SUPT3H: variants seen among roughly 807,000 people sequenced by gnomAD.
SUPT3H encodes the protein SPT3 homolog, SAGA and STAGA complex component, also known as transcription initiation protein SPT3 homolog.
SUPT3H carries 44 observed loss-of-function variants against 44.3 expected under a neutral mutation model. The ratio of observed to expected loss-of-function variants is 0.99; its 90% CI spans 0.78 to 1.28. SUPT3H has a LOEUF of 1.28. Among genes scored for constraint, SUPT3H ranks in the 50% most tolerant of loss-of-function variants. The pLI is 0.00. For missense variants in SUPT3H, 380 were observed against 387.1 expected, an observed-to-expected ratio of 0.98 and a Z score of 0.15; for synonymous variants, 124 against 125.6, an observed-to-expected ratio of 0.99 and a Z score of 0.09.
At chr6:45,042,634 T>C (rs1206786993) in intron 3 of SUPT3H, among the ~76,000 whole-genome samples, 1 of 152,192 alleles carries the variant, frequency 6.6e-6, no homozygotes, top group Admixed American at 6.5e-5. Context: ...ATAGGAACAC[T>C]TTTACACTGT....
intron 2 of SUPT3H, among the ~76,000 whole-genome samples, chr6:45,214,183 T>C (rs541599625): frequency 1.3e-5 from 2 of 151,868 alleles, no homozygotes; most frequent in South Asian, 4.2e-4. Flanking sequence ...AAAAAATCAG[T>C]TTTCTACAAC....
chr6:45,289,505 A>G (rs550140055), intron 2 of SUPT3H, among the ~76,000 whole-genome samples: 2 of 152,298 alleles, frequency 1.3e-5, no homozygotes, highest in African/African-American at 4.8e-5. Context: ...GTAATTCATA[A>G]TTTAAAAAAT....
chr6:44,838,620 G>A (rs745631351), intron 10 of SUPT3H, among the ~76,000 whole-genome samples: 1 of 152,168 alleles, frequency 6.6e-6, no homozygotes, highest in Non-Finnish European at 1.5e-5. Context: ...TGCTAAGTCT[G>A]AGACACCAAC....
At chr6:45,234,737 A>G (rs1352793144) in intron 2 of SUPT3H, among the ~76,000 whole-genome samples, 8 of 152,118 alleles carry the variant, frequency 5.3e-5, no homozygotes, top group Non-Finnish European at 1.2e-4. Flanking sequence ...TTGAAAATGT[A>G]AACAAACTAT....
chr6:45,202,299 A>T (rs1470235987), intron 2 of SUPT3H, among the ~76,000 whole-genome samples: 1 of 151,988 alleles, frequency 6.6e-6, no homozygotes, highest in Admixed American at 6.6e-5. Context: ...TTACAAAATT[A>T]TAAAATTGCA....
chr6:45,203,583 T>C (rs967294097), intron 2 of SUPT3H, among the ~76,000 whole-genome samples: 1 of 152,224 alleles, frequency 6.6e-6, no homozygotes, highest in Non-Finnish European at 1.5e-5. Context: ...CAGGTCACTT[T>C]ATGCCCTCAC....
chr6:45,354,948 A>C (rs910006106), intron 2 of SUPT3H, among the ~76,000 whole-genome samples: 2 of 152,092 alleles, frequency 1.3e-5, no homozygotes, highest in Admixed American at 6.6e-5. Context: ...AAGAAACTGG[A>C]AAGATAAATA....
chr6:45,059,557 A>G (rs1002697453), intron 3 of SUPT3H, among the ~76,000 whole-genome samples: 3 of 152,174 alleles, frequency 2.0e-5, no homozygotes, highest in Non-Finnish European at 2.9e-5. Flanking sequence ...AATCACTCCT[A>G]TTCAACATTG....
intron 2 of SUPT3H, among the ~76,000 whole-genome samples, chr6:45,126,873 G>A (rs138928059): frequency 0.017 from 2,661 of 152,172 alleles, 50 homozygotes; most frequent in South Asian, 0.085. Context: ...AGGGGGAAGA[G>A]ACGATGCGAG....
At chr6:44,997,323 C>G (rs976151271) in intron 6 of SUPT3H, among the ~76,000 whole-genome samples, 2 of 151,742 alleles carry the variant, frequency 1.3e-5, no homozygotes, top group African/African-American at 4.8e-5. Flanking sequence ...CATTTATACA[C>G]TCATGTCTCA....
chr6:45,012,609 T>G (rs971062728), intron 5 of SUPT3H, among the ~76,000 whole-genome samples: 9 of 152,158 alleles, frequency 5.9e-5, no homozygotes, highest in African/African-American at 2.2e-4. Flanking sequence ...ACATACATAA[T>G]AGCCCCTTTG....
intron 2 of SUPT3H, among the ~76,000 whole-genome samples, chr6:45,281,379 G>C (rs1044650059): frequency 1.3e-5 from 2 of 152,198 alleles, no homozygotes; most frequent in Non-Finnish European, 2.9e-5. Flanking sequence ...TGGAAAATCG[G>C]GTCATTCCCA....
chr6:45,282,375 G>A (rs990820667), intron 2 of SUPT3H, among the ~76,000 whole-genome samples: 2 of 152,222 alleles, frequency 1.3e-5, no homozygotes, highest in Admixed American at 6.5e-5. Flanking sequence ...AATAACCAAT[G>A]CAGAGAAGTC....
intron 2 of SUPT3H, among the ~76,000 whole-genome samples, chr6:45,180,636 A>C (rs1033538372): frequency 1.3e-5 from 2 of 152,082 alleles, no homozygotes; most frequent in African/African-American, 4.8e-5. Context: ...CCTATTTAAT[A>C]AACGGTGCTG....
At chr6:45,300,733 G>T (rs1382336031) in intron 2 of SUPT3H, among the ~76,000 whole-genome samples, 1 of 152,142 alleles carries the variant, frequency 6.6e-6, no homozygotes, top group Non-Finnish European at 1.5e-5. Context: ...CTTTAAAATG[G>T]TGAAAACTGT....
chr6:44,928,882 C>CAAAAAAAAA (rs35656937), intron 10 of SUPT3H, among the ~76,000 whole-genome samples: 1 of 20,642 alleles, frequency 4.8e-5, no homozygotes, highest in Non-Finnish European at 7.5e-5. Context: ...GACTCCGTCT[C>CAAAAAAAAA]AAAAAAAAAA....
chr6:45,001,806 A>G (rs1217681780), intron 6 of SUPT3H, among the ~76,000 whole-genome samples: 1 of 152,102 alleles, frequency 6.6e-6, no homozygotes, highest in East Asian at 1.9e-4. Context: ...AAGAGATTGC[A>G]GTCTCTGAGT....
chr6:44,992,801 T>C (rs1312092191), intron 6 of SUPT3H, among the ~76,000 whole-genome samples: 1 of 152,150 alleles, frequency 6.6e-6, no homozygotes, highest in East Asian at 1.9e-4. Context: ...TGATTAATCC[T>C]GCTATAAAAT....
At chr6:44,976,380 G>A (rs1470698691) in intron 6 of SUPT3H, among the ~76,000 whole-genome samples, 2 of 145,810 alleles carry the variant, frequency 1.4e-5, no homozygotes, top group South Asian at 4.3e-4. Context: ...TTTTTTTCTT[G>A]AGACAGAGTC....
Sources: gnomAD v4.1 joint callset for allele counts (sites outside exome capture counted in the v4.1 genomes callset) on GRCh38, gnomAD v4.1.1 for gene constraint, MANE v1.5 for transcripts, NCBI Gene and HGNC (gene_info 2026-07-23, HGNC 2026-07-21) for gene names.